GALNT13: variants seen among roughly 807,000 people sequenced by gnomAD.
GALNT13 encodes UDP-GalNAc:polypeptide N-acetylgalactosaminyltransferase 13.
A neutral mutation model predicts 64.2 loss-of-function variants in GALNT13; 28 were observed. That is an observed-to-expected ratio of 0.44 (90% confidence interval 0.32 to 0.60). The LOEUF (loss-of-function observed/expected upper bound fraction) is 0.60, where lower values mean the gene tolerates loss of function less well. Among genes scored for constraint, GALNT13 ranks in the 20% least tolerant of loss-of-function variants. The probability of loss-of-function intolerance (pLI) is 0.05; values close to 1 mark genes in which losing one functional copy is unlikely to be tolerated. For missense variants in GALNT13, 577 were observed against 669.8 expected, an observed-to-expected ratio of 0.86 and a Z score of 1.53; for synonymous variants, 214 against 224.6, an observed-to-expected ratio of 0.95 and a Z score of 0.42.
At chr2:153,650,717 T>TC in the GALNT13 span, among the ~76,000 whole-genome samples, 2 of 152,264 alleles carry the variant, frequency 1.3e-5, no homozygotes, top group East Asian at 3.9e-4. Context: ...CTCCTTCACT[T>TC]AGAAGCTTAG....
chr2:153,754,674 C>A, the GALNT13 span, among the ~76,000 whole-genome samples: 2 of 152,110 alleles, frequency 1.3e-5, no homozygotes, highest in Admixed American at 6.6e-5. Flanking sequence ...TCAGCACTGC[C>A]TTACCTTCCC....
chr2:154,102,449 T>C (rs1702396845), intron 3 of GALNT13, among the ~76,000 whole-genome samples: 1 of 152,228 alleles, frequency 6.6e-6, no homozygotes, highest in African/African-American at 2.4e-5. Flanking sequence ...AATTAGCATT[T>C]AAGAAAACCA....
the GALNT13 span, among the ~76,000 whole-genome samples, chr2:153,793,091 C>T: frequency 6.6e-6 from 1 of 151,350 alleles, no homozygotes; most frequent in Non-Finnish European, 1.5e-5. Flanking sequence ...CCTGCCTCAG[C>T]CTCCAGGGTA....
the GALNT13 span, among the ~76,000 whole-genome samples, chr2:153,555,736 GCT>G: frequency 6.6e-6 from 1 of 152,152 alleles, no homozygotes; most frequent in African/African-American, 2.4e-5. Context: ...CAGAGTCCAT[GCT>G]CTTAATTGCT....
chr2:153,591,981 C>T, the GALNT13 span, among the ~76,000 whole-genome samples: 3 of 151,750 alleles, frequency 2.0e-5, no homozygotes, highest in African/African-American at 7.3e-5. Flanking sequence ...AACTCAATAA[C>T]AACAAAAAAT....
chr2:153,849,503 A>G, the GALNT13 span, among the ~76,000 whole-genome samples: 5 of 152,230 alleles, frequency 3.3e-5, no homozygotes, highest in East Asian at 9.6e-4. Context: ...CACTTTTCAG[A>G]TAATGATTAT....
the GALNT13 span, among the ~76,000 whole-genome samples, chr2:153,345,719 G>GTCCCTTCCTTCCTTCCT: frequency 2.5e-5 from 2 of 79,976 alleles, no homozygotes; most frequent in Non-Finnish European, 5.0e-5. Flanking sequence ...CTCTCTTTCT[G>GTCCCTTCCTTCCTTCCT]TCCTTCCTTC....
the GALNT13 span, among the ~76,000 whole-genome samples, chr2:153,373,849 T>C: frequency 5.3e-5 from 8 of 152,328 alleles, no homozygotes; most frequent in African/African-American, 1.7e-4. Context: ...ATAAATGAAA[T>C]CATATAGCAT....
chr2:154,274,867 A>G (rs1415920618), intron 8 of GALNT13, among the ~76,000 whole-genome samples: 1 of 152,122 alleles, frequency 6.6e-6, no homozygotes, highest in East Asian at 1.9e-4. Flanking sequence ...AAGATGTGGG[A>G]AAGTTTGGAA....
intron 3 of GALNT13, among the ~76,000 whole-genome samples, chr2:154,052,292 A>G (rs1213836294): frequency 6.6e-6 from 1 of 152,178 alleles, no homozygotes. Context: ...ACTTAAGTGT[A>G]CTTTCCTGAG....
At chr2:153,458,641 G>A in the GALNT13 span, among the ~76,000 whole-genome samples, 1 of 152,058 alleles carries the variant, frequency 6.6e-6, no homozygotes, top group Non-Finnish European at 1.5e-5. Flanking sequence ...ACAGATTCTA[G>A]GCTTCATATT....
the GALNT13 span, among the ~76,000 whole-genome samples, chr2:153,822,872 C>A: frequency 6.6e-6 from 1 of 152,130 alleles, no homozygotes; most frequent in Non-Finnish European, 1.5e-5. Context: ...CTAGAAAACC[C>A]TACAGACTTT....
At chr2:153,539,487 T>C in the GALNT13 span, among the ~76,000 whole-genome samples, 1 of 151,952 alleles carries the variant, frequency 6.6e-6, no homozygotes, top group Admixed American at 6.6e-5. Flanking sequence ...TCCTCAATGG[T>C]AATGCCTAGG....
At chr2:154,400,361 G>T (rs1015643085) in intron 10 of GALNT13, among the ~76,000 whole-genome samples, 9 of 152,094 alleles carry the variant, frequency 5.9e-5, no homozygotes, top group African/African-American at 2.2e-4. Context: ...AATTTGAAAT[G>T]AAATTGGGTG....
At chr2:153,622,912 A>AT in the GALNT13 span, among the ~76,000 whole-genome samples, 2 of 152,100 alleles carry the variant, frequency 1.3e-5, no homozygotes, top group African/African-American at 4.8e-5. Context: ...ACTGAGAATG[A>AT]TTTCTAGGTG....
chr2:154,135,557 T>C (rs531236144), intron 3 of GALNT13, among the ~76,000 whole-genome samples: 6 of 152,222 alleles, frequency 3.9e-5, no homozygotes, highest in Non-Finnish European at 7.3e-5. Context: ...ATAGAATAAA[T>C]TTAGTTGTTT....
At chr2:153,434,259 T>C in the GALNT13 span, among the ~76,000 whole-genome samples, 2 of 152,318 alleles carry the variant, frequency 1.3e-5, no homozygotes, top group South Asian at 2.1e-4. Flanking sequence ...TTCCAAGTCT[T>C]TGCTATTGTG....
the GALNT13 span, among the ~76,000 whole-genome samples, chr2:153,178,392 A>T: frequency 0.027 from 4,084 of 152,250 alleles, 74 homozygotes; most frequent in Middle Eastern, 0.048. Flanking sequence ...CTTTTTGAAA[A>T]TAGCTATTCT....
intron 12 of GALNT13, among the ~76,000 whole-genome samples, chr2:154,443,018 A>G (rs531605017): frequency 2.3e-4 from 35 of 152,082 alleles, no homozygotes; most frequent in Non-Finnish European, 4.6e-4. Context: ...TACTTACACT[A>G]CCATCTTTTA....
Sources: allele counts gnomAD v4.1 joint callset (sites outside exome capture counted in the v4.1 genomes callset), GRCh38; gene constraint gnomAD v4.1.1; transcripts MANE v1.5; gene names NCBI Gene and HGNC (gene_info 2026-07-23, HGNC 2026-07-21).